The following SPAG16 variants were observed in gnomAD, a reference collection of about 807,000 sequenced individuals.
The protein encoded by SPAG16 is sperm-associated antigen 16 protein.
SPAG16 carries 86 observed loss-of-function variants against 80.4 expected under a neutral mutation model. The ratio of observed to expected loss-of-function variants is 1.07; its 90% CI spans 0.90 to 1.28. SPAG16 has a LOEUF of 1.28. SPAG16 is among the 50% of genes most tolerant of loss of function. SPAG16 has a pLI of 0.00. For synonymous variants in SPAG16, 294 were observed against 265.9 expected, an observed-to-expected ratio of 1.11 and a Z score of -1.03; for missense variants, 870 against 765.3, an observed-to-expected ratio of 1.14 and a Z score of -1.61.
intron 15 of SPAG16, among the ~76,000 whole-genome samples, chr2:214,359,816 TA>T (rs1049814071): frequency 2.0e-5 from 3 of 151,822 alleles, no homozygotes; most frequent in Non-Finnish European, 4.4e-5. Context: ...GATAAATTAT[TA>T]AAAAAACATT....
chr2:213,345,652 G>T (rs374519932), intron 6 of SPAG16, among the ~76,000 whole-genome samples: 6 of 139,482 alleles, frequency 4.3e-5, no homozygotes, highest in South Asian at 5.0e-4. Context: ...TTTCCCCATT[G>T]CTTGTTTTTG....
At chr2:214,139,332 G>A (rs1413567732) in intron 14 of SPAG16, among the ~76,000 whole-genome samples, 1 of 151,822 alleles carries the variant, frequency 6.6e-6, no homozygotes, top group Non-Finnish European at 1.5e-5. Flanking sequence ...CCTTTTCCCT[G>A]TTGTTGCTTA....
rs548025644 is a variant in SPAG16 at position 214,098,137 on chromosome 2, A to G, written c.1528-10059A>G. Among the ~76,000 whole-genome samples, 18 of 152,236 alleles carry G rather than the reference A, an allele frequency of 1.2e-4. No individual in the cohort carries two copies. The South Asian group carries it at 2.5e-3, about 21-fold the overall frequency. Reference sequence around the variant, plus strand: ...ATACAACTTTTCATTTTGAGACTGCATATAAGCCCAAAATATATTCATGCA... The same window carrying G: ...ATACAACTTTTCATTTTGAGACTGCGTATAAGCCCAAAATATATTCATGCA... On this transcript the variant is annotated intron_variant, in intron 13 of 15. Coordinates refer to ENST00000331683, the MANE Select transcript of SPAG16 (RefSeq NM_024532.5).
At chr2:213,782,980 C>A (rs887344633) in intron 10 of SPAG16, among the ~76,000 whole-genome samples, 4 of 152,024 alleles carry the variant, frequency 2.6e-5, no homozygotes, top group Admixed American at 6.5e-5. Flanking sequence ...ATGTGCCATG[C>A]TGGTGCGCTG....
At chr2:213,523,180 G>A (rs540823116) in intron 10 of SPAG16, among the ~76,000 whole-genome samples, 5 of 152,204 alleles carry the variant, frequency 3.3e-5, no homozygotes, top group East Asian at 1.9e-4. Flanking sequence ...TGCTGTTCTC[G>A]TGATAGTGAG....
At chr2:214,068,819 G>A (rs1042475381) in intron 13 of SPAG16, among the ~76,000 whole-genome samples, 2 of 151,966 alleles carry the variant, frequency 1.3e-5, no homozygotes, top group African/African-American at 2.4e-5. Context: ...TATTTATAAC[G>A]GAGAGCCCAA....
chr2:213,604,232 GT>G (rs2061172962), intron 10 of SPAG16, among the ~76,000 whole-genome samples: 1 of 152,092 alleles, frequency 6.6e-6, no homozygotes, highest in African/African-American at 2.4e-5. Flanking sequence ...TAAATGCTGT[GT>G]TTTTAGGGAG....
At chr2:214,355,526 A>G (rs10206021) in intron 15 of SPAG16, among the ~76,000 whole-genome samples, 123,426 of 123,472 alleles carry the variant, frequency 1, 61,690 homozygotes, top group Middle Eastern at 1. Context: ...GGAAACAACA[A>G]GTGCTGGAGA....
At chr2:213,949,184 T>TTTTTTTTTTTTTTTTTGTTTTGTTTTG (rs1559620330) in intron 12 of SPAG16, among the ~76,000 whole-genome samples, 1 of 19,192 alleles carries the variant, frequency 5.2e-5, no homozygotes, top group Non-Finnish European at 1.5e-4. Context: ...TTTTTTTTTT[T>TTTTTTTTTTTTTTTTTGTTTTGTTTTG]TTTTTTTTTG....
chr2:213,609,701 G>C (rs951946798), intron 10 of SPAG16, among the ~76,000 whole-genome samples: 7 of 151,994 alleles, frequency 4.6e-5, no homozygotes, highest in Non-Finnish European at 8.8e-5. Flanking sequence ...ACTCCAAACT[G>C]CCACTTTATA....
At chr2:213,290,525 G>A (rs184289192) in intron 1 of SPAG16, among the ~76,000 whole-genome samples, 6 of 152,282 alleles carry the variant, frequency 3.9e-5, no homozygotes, top group Admixed American at 3.9e-4. Flanking sequence ...AAAAATTTTG[G>A]AACTGAAATT....
chr2:213,929,769 T>C (rs1358846929), intron 11 of SPAG16, among the ~76,000 whole-genome samples, 191 bp from the exon 12 acceptor site: 3 of 152,182 alleles, frequency 2.0e-5, no homozygotes, highest in Non-Finnish European at 4.4e-5. Context: ...TCAGCTTGAA[T>C]TACTAAGCAA....
chr2:213,350,642 G>GCAGGTAAAGATATAGT lies in SPAG16; in HGVS notation c.762_762+15dup, dbSNP rs750937532. 211 of 1,566,544 alleles carry GCAGGTAAAGATATAGT rather than the reference G, an allele frequency of 1.3e-4. 1 individual carries two copies. The highest frequency in any genetic ancestry group is 1.8e-4 in the Non-Finnish European group (203 of 1,154,646). On this transcript the variant is annotated stop_gained and frameshift_variant, in exon 7 of 16. Coordinates refer to ENST00000331683, the MANE Select transcript of SPAG16 (RefSeq NM_024532.5). LOFTEE classifies it high-confidence loss of function. ...CCTTGGAAAGAGACAAAGTAGTTGGGCAGGTAAAGATATAGTCAAAGCTAA... is the reference window on the plus strand; with the variant it reads ...CCTTGGAAAGAGACAAAGTAGTTGGGCAGGTAAAGATATAGTCAGGTAAAGATATAGTCAAAGCTAA...
chr2:213,941,558 A>T (rs1485470339), intron 12 of SPAG16, among the ~76,000 whole-genome samples: 1 of 152,150 alleles, frequency 6.6e-6, no homozygotes, highest in Non-Finnish European at 1.5e-5. Flanking sequence ...GGTTTCCAGT[A>T]GGCAAAACAA....
rs1407062568 is a variant in SPAG16 at position 213,516,068 on chromosome 2, T to A, written c.1070+25978T>A. 2.0e-5 allele frequency among the ~76,000 whole-genome samples: 3 copies of A among 152,186 alleles called. No individual in the cohort carries two copies. The South Asian group carries it at 6.2e-4, about 32-fold the overall frequency. The stretch of plus-strand genomic sequence containing the variant: ...TGATAAATTATTTAAGTGATGCCTA[T>A]AAAGCCGGATGATATTTAGGCTTTT... On this transcript the variant is annotated intron_variant, in intron 10 of 15. Coordinates refer to ENST00000331683, the MANE Select transcript of SPAG16 (RefSeq NM_024532.5).
chr2:213,986,891 CAAAAAAAAA>C (rs369965944), intron 12 of SPAG16, among the ~76,000 whole-genome samples: 2,569 of 57,660 alleles, frequency 0.045, 32 homozygotes, highest in Middle Eastern at 0.11. Flanking sequence ...TCTGGTATAG[CAAAAAAAAA>C]AAAAAAAAAA....
intron 11 of SPAG16, among the ~76,000 whole-genome samples, chr2:213,888,253 T>A (rs930099254): frequency 6.6e-6 from 1 of 151,900 alleles, no homozygotes; most frequent in African/African-American, 2.4e-5. Flanking sequence ...AACATTTTAT[T>A]TTCTGACAAA....
chr2:214,343,855 G>A (rs1250762529), intron 15 of SPAG16, among the ~76,000 whole-genome samples: 1 of 152,054 alleles, frequency 6.6e-6, no homozygotes, highest in Non-Finnish European at 1.5e-5. Flanking sequence ...ACTGAGTCTG[G>A]AATAATAAAG....
At chr2:214,070,237 C>A (rs1310665245) in intron 13 of SPAG16, among the ~76,000 whole-genome samples, 1 of 151,876 alleles carries the variant, frequency 6.6e-6, no homozygotes, top group Non-Finnish European at 1.5e-5. Context: ...ATCAAATATA[C>A]CTATACTTTC....
Sources: gnomAD v4.1 joint callset for allele counts (sites outside exome capture counted in the v4.1 genomes callset) on GRCh38, gnomAD v4.1.1 for gene constraint, MANE v1.5 for transcripts, NCBI Gene and HGNC (gene_info 2026-07-23, HGNC 2026-07-21) for gene names.